Variants in DOK5 observed in about 807,000 individuals in gnomAD.
DOK5 encodes downstream of tyrosine kinase 5.
DOK5 carries 27 observed loss-of-function variants against 43.3 expected under a neutral mutation model. The ratio of observed to expected loss-of-function variants is 0.62; its 90% CI spans 0.46 to 0.86. The LOEUF (loss-of-function observed/expected upper bound fraction) is 0.86, where lower values mean the gene tolerates loss of function less well. Ranked by LOEUF, DOK5 falls within the 40% of genes least tolerant of loss-of-function variation. DOK5 has a pLI of 0.00. For missense variants in DOK5, 373 were observed against 392.9 expected (o/e 0.95, Z 0.43); for synonymous variants, 146 against 140.1 (o/e 1.04, Z -0.30).
chr20:54,557,971 A>G (rs181858288), intron 2 of DOK5, among the ~76,000 whole-genome samples: 35 of 152,342 alleles, frequency 2.3e-4, no homozygotes, highest in African/African-American at 8.2e-4. Context: ...ATTCACTATT[A>G]GTTACCAGAA....
chr20:54,516,620 G>T (rs970071737), intron 1 of DOK5, among the ~76,000 whole-genome samples: 15 of 152,142 alleles, frequency 9.9e-5, no homozygotes, highest in Non-Finnish European at 4.4e-5. Flanking sequence ...CTAAATGATG[G>T]TGATGGGAAT....
intron 2 of DOK5, among the ~76,000 whole-genome samples, chr20:54,576,288 A>C (rs1276264258): frequency 2.0e-5 from 3 of 152,152 alleles, no homozygotes; most frequent in Non-Finnish European, 4.4e-5. Flanking sequence ...ATTTAAAATA[A>C]ATTTTAAATA....
intron 6 of DOK5, among the ~76,000 whole-genome samples, chr20:54,624,764 A>G (rs1987085542): frequency 6.6e-6 from 1 of 152,236 alleles, no homozygotes. Flanking sequence ...GAATAAATTG[A>G]TGCAAATCAC....
intron 6 of DOK5, among the ~76,000 whole-genome samples, chr20:54,634,163 G>A (rs1314238352): frequency 6.6e-6 from 1 of 152,132 alleles, no homozygotes; most frequent in Non-Finnish European, 1.5e-5. Context: ...GCAGTGGTCC[G>A]GTCATTAGAA....
chr20:54,650,046 A>G (rs1367612205), intron 7 of DOK5, among the ~76,000 whole-genome samples: 1 of 152,246 alleles, frequency 6.6e-6, no homozygotes, highest in African/African-American at 2.4e-5. Context: ...AGATTACCAA[A>G]GTATAAGCAT....
At chr20:54,568,299 T>C (rs1985159869) in intron 2 of DOK5, among the ~76,000 whole-genome samples, 1 of 152,262 alleles carries the variant, frequency 6.6e-6, no homozygotes, top group Admixed American at 6.5e-5. Flanking sequence ...AATTTCTTAA[T>C]AGCGTATACC....
Position 54,650,545 on chromosome 20 carries a change from C to T in DOK5, c.*66C>T. The T allele has an allele frequency of 1.4e-6, 2 of 1,473,310 alleles. No homozygotes were observed. Among genetic ancestry groups the T allele is most frequent in the East Asian group, 4.6e-5 (2 of 43,802 alleles). 91.3% of individuals were successfully genotyped at this position (1,473,310 alleles called of 1,614,324 possible). ...AGCCACAGATTCACCCAGGAGGTCA[C>T]AGAATGACAGCAAGGGAAATGACGA... On this transcript the variant is annotated 3_prime_UTR_variant, in exon 8 of 8. Transcript: ENST00000262593.
chr20:54,599,855 T>C (rs1342311792), intron 5 of DOK5, among the ~76,000 whole-genome samples: 1 of 152,194 alleles, frequency 6.6e-6, no homozygotes, highest in African/African-American at 2.4e-5. Context: ...TTTTAAGCAC[T>C]GCAGATGTAG....
chr20:54,478,236 G>A (rs935144252), intron 1 of DOK5, among the ~76,000 whole-genome samples: 6 of 152,154 alleles, frequency 3.9e-5, no homozygotes, highest in Middle Eastern at 3.2e-3. Context: ...TTACATAGTT[G>A]CCAGAACACA....
At chr20:54,563,057 A>C (rs1473042940) in intron 2 of DOK5, among the ~76,000 whole-genome samples, 1 of 152,198 alleles carries the variant, frequency 6.6e-6, no homozygotes, top group Non-Finnish European at 1.5e-5. Context: ...ACAGGCAGAC[A>C]CTGGAGTGAT....
chr20:54,617,137 T>A lies in DOK5; in HGVS notation c.735+6614T>A, dbSNP rs575953262. 5.3e-5 allele frequency among the ~76,000 whole-genome samples: 8 copies of A among 152,238 alleles called. No individual in the cohort carries two copies. In the East Asian group the frequency reaches 1.6e-3, roughly 30 times the overall value. ...ATGGTTATTGGTGGAATTTAGCTACTTGGGGTTGTGGGATTGAGGGCTACA... is the reference window on the plus strand; with the variant it reads ...ATGGTTATTGGTGGAATTTAGCTACATGGGGTTGTGGGATTGAGGGCTACA... On this transcript the variant is annotated intron_variant, in intron 6 of 7. Transcript: ENST00000262593.
At chr20:54,551,883 A>G (rs1984542889) in intron 1 of DOK5, among the ~76,000 whole-genome samples, 1 of 152,118 alleles carries the variant, frequency 6.6e-6, no homozygotes, top group South Asian at 2.1e-4. Context: ...GCTGGAGTTC[A>G]GTGACATGTT....
chr20:54,625,458 G>A (rs781497387), intron 6 of DOK5, among the ~76,000 whole-genome samples: 14 of 152,154 alleles, frequency 9.2e-5, no homozygotes, highest in Non-Finnish European at 1.9e-4. Flanking sequence ...CATTTGGAAC[G>A]GAGTAGATTT....
intron 1 of DOK5, among the ~76,000 whole-genome samples, chr20:54,545,016 G>A (rs1302855275): frequency 6.6e-6 from 1 of 152,080 alleles, no homozygotes; most frequent in Admixed American, 6.6e-5. Flanking sequence ...TTTTACAAAG[G>A]CCATTTAGTT....
intron 1 of DOK5, among the ~76,000 whole-genome samples, chr20:54,544,203 T>C (rs1984262254): frequency 6.6e-6 from 1 of 152,238 alleles, no homozygotes; most frequent in Admixed American, 6.5e-5. Context: ...TTCAATTTTC[T>C]CCAAATTGGC....
At chr20:54,546,356 T>A (rs776146469) in intron 1 of DOK5, among the ~76,000 whole-genome samples, 1 of 152,198 alleles carries the variant, frequency 6.6e-6, no homozygotes, top group Non-Finnish European at 1.5e-5. Context: ...GAGTAGCACA[T>A]GAGAACTGAG....
chr20:54,519,421 A>G (rs1313127826), intron 1 of DOK5, among the ~76,000 whole-genome samples: 1 of 152,136 alleles, frequency 6.6e-6, no homozygotes, highest in Non-Finnish European at 1.5e-5. Flanking sequence ...TGATTCTATT[A>G]TTGCCTTTAA....
chr20:54,601,817 G>A (rs560009302), intron 5 of DOK5, among the ~76,000 whole-genome samples: 3 of 152,232 alleles, frequency 2.0e-5, no homozygotes, highest in Non-Finnish European at 4.4e-5. Flanking sequence ...CTTCACTGGA[G>A]CTGGAGAAAC....
At chr20:54,649,003 C>G (rs1366602492) in intron 7 of DOK5, among the ~76,000 whole-genome samples, 2 of 152,148 alleles carry the variant, frequency 1.3e-5, no homozygotes, top group African/African-American at 4.8e-5. Context: ...AAAACAAAAA[C>G]AAGAAAAACT....
Sources: gnomAD v4.1 joint callset for allele counts (sites outside exome capture counted in the v4.1 genomes callset) on GRCh38, gnomAD v4.1.1 for gene constraint, MANE v1.5 for transcripts, NCBI Gene and HGNC (gene_info 2026-07-23, HGNC 2026-07-21) for gene names.